Variants in TRMT11 observed in about 807,000 individuals in gnomAD.
The protein encoded by TRMT11 is tRNA (guanine(10)-N(2))-methyltransferase TRMT11.
Under a neutral mutation model 62.8 loss-of-function variants are expected in TRMT11, and 53 were observed. That is an observed-to-expected ratio of 0.84 (90% CI 0.68 to 1.06). The LOEUF is 1.06. TRMT11 is among the 50% of genes least tolerant of loss of function. The probability of loss-of-function intolerance (pLI) is 0.00; values close to 1 mark genes in which losing one functional copy is unlikely to be tolerated. For missense variants in TRMT11, 556 were observed against 553.4 expected (o/e 1.00, Z -0.05); for synonymous variants, 188 against 190.3 (o/e 0.99, Z 0.10).
intron 6 of TRMT11, among the ~76,000 whole-genome samples, chr6:125,999,095 C>T (rs963421283): frequency 9.2e-5 from 14 of 151,988 alleles, no homozygotes; most frequent in African/African-American, 2.4e-4. Flanking sequence ...GCAGTTCTGC[C>T]GACTTCTCTG....
chr6:125,989,940 A>T (rs1432924851), intron 1 of TRMT11, among the ~76,000 whole-genome samples: 1 of 151,844 alleles, frequency 6.6e-6, no homozygotes, highest in African/African-American at 2.4e-5. Context: ...CCCATTCTTT[A>T]TTGATTTTTA....
chr6:126,012,867 A>G lies in TRMT11; in HGVS notation c.1007+15A>G. On this transcript the variant is annotated intron_variant, in intron 10 of 12. Coordinates refer to ENST00000334379, the MANE Select transcript of TRMT11 (RefSeq NM_001031712.3). ...TGGGAAAAATGGTAAGTGAAATTTA[A>G]ATATGATGTGTTACTACCTTGAGAA... 6.2e-7 allele frequency: 1 copy of G among 1,611,686 alleles called. No homozygotes were observed. The highest frequency in any genetic ancestry group is 1.1e-5 in the South Asian group (1 of 91,018).
intron 17 of TRMT11, among the ~76,000 whole-genome samples, chr6:126,060,858 C>T (rs1052565846): frequency 2.6e-5 from 4 of 152,226 alleles, no homozygotes; most frequent in African/African-American, 9.6e-5. Context: ...TTGTTGTTTG[C>T]TTTTAGATCA....
chr6:126,021,359 A>G lies in TRMT11; in HGVS notation c.1260+79A>G, dbSNP rs562155035. 4 of 1,509,124 alleles carry G rather than the reference A, an allele frequency of 2.7e-6. No homozygotes were observed. In the South Asian group the frequency reaches 4.7e-5, roughly 18 times the overall value. 93.5% of individuals were successfully genotyped at this position (1,509,124 alleles called of 1,614,324 possible). A position where few individuals can be genotyped will look rare whatever the true frequency, so the allele number is the denominator to read the frequency against. ...TTTCTAAATAGTTTTCCTGTGATAGAGTTTGGAAATGTTATTCCTTGATAT... is the reference window on the plus strand; with the variant it reads ...TTTCTAAATAGTTTTCCTGTGATAGGGTTTGGAAATGTTATTCCTTGATAT... On this transcript the variant is annotated intron_variant, in intron 12 of 12. Transcript: ENST00000334379.
the TRMT11 span, among the ~76,000 whole-genome samples, chr6:126,217,218 C>A: frequency 6.6e-6 from 1 of 152,160 alleles, no homozygotes; most frequent in Non-Finnish European, 1.5e-5. Flanking sequence ...ACTGTCTCTC[C>A]AAGATTGGTC....
At chr6:126,225,685 ATTT>A in the TRMT11 span, among the ~76,000 whole-genome samples, 1 of 95,280 alleles carries the variant, frequency 1.0e-5, no homozygotes, top group East Asian at 2.8e-4. Flanking sequence ...TATGTTTACT[ATTT>A]TTTTTTTTTT....
At chr6:126,050,124 T>G (rs1343784786) in intron 16 of TRMT11, among the ~76,000 whole-genome samples, 1 of 151,624 alleles carries the variant, frequency 6.6e-6, no homozygotes, top group Non-Finnish European at 1.5e-5. Flanking sequence ...AGGCCAGGAG[T>G]TCGGGACTAG....
upstream of TRMT11, among the ~76,000 whole-genome samples, chr6:126,175,053 A>G (rs1477792060): frequency 6.6e-6 from 1 of 152,246 alleles, no homozygotes; most frequent in Non-Finnish European, 1.5e-5. Context: ...CTATCCAACT[A>G]TGATGTTAAC....
chr6:126,255,291 C>G, the TRMT11 span, among the ~76,000 whole-genome samples: 3 of 152,178 alleles, frequency 2.0e-5, no homozygotes, highest in East Asian at 5.8e-4. Context: ...CACAGGCTCT[C>G]TTTAGCACTT....
intron 17 of TRMT11, among the ~76,000 whole-genome samples, chr6:126,076,300 T>C (rs1777022062): frequency 6.6e-6 from 1 of 152,200 alleles, no homozygotes; most frequent in South Asian, 2.1e-4. Flanking sequence ...CAGAGATCAT[T>C]GTAGGACAGA....
At chr6:126,225,685 ATTTTTTTTT>A in the TRMT11 span, among the ~76,000 whole-genome samples, 31 of 95,282 alleles carry the variant, frequency 3.3e-4, no homozygotes, top group Non-Finnish European at 1.4e-4. Flanking sequence ...TATGTTTACT[ATTTTTTTTT>A]TTTTTTTTTT....
intron 17 of TRMT11, among the ~76,000 whole-genome samples, chr6:126,057,347 G>A (rs1021653459): frequency 4.6e-5 from 7 of 152,184 alleles, no homozygotes; most frequent in African/African-American, 9.6e-5. Flanking sequence ...ACTTATCTCT[G>A]TATTAGGGAA....
At chr6:126,118,639 T>C (rs1777615756) in intron 21 of TRMT11, among the ~76,000 whole-genome samples, 1 of 152,134 alleles carries the variant, frequency 6.6e-6, no homozygotes, top group Admixed American at 6.6e-5. Flanking sequence ...AGCTTTCAAA[T>C]ATATGACTCA....
intron 1 of TRMT11, 107 bp from the exon 2 acceptor site, chr6:125,993,650 A>C (rs546855576): frequency 8.3e-4 from 476 of 570,326 alleles, no homozygotes; most frequent in Non-Finnish European, 1.3e-3. Context: ...CCTCAGTTAG[A>C]TCTTCAGCCT....
rs145409233 is a variant in TRMT11 at position 126,011,351 on chromosome 6, C to T, written c.859C>T (p.Leu287=). 10 of 1,613,152 alleles carry T rather than the reference C, an allele frequency of 6.2e-6. No homozygotes were observed. The African/African-American group carries it at 1.3e-4, about 22-fold the overall frequency. Residue 287 remains leucine, a synonymous_variant, in exon 9 of 13, where the codon CTG becomes TTG. Transcript: ENST00000334379. Reference sequence around the variant, plus strand: ...TTTAGAGAAGTATTACCTTGATGTCCTGGTTTCAGATGCATCTAAACCTTC... The same window carrying T: ...TTTAGAGAAGTATTACCTTGATGTCTTGGTTTCAGATGCATCTAAACCTTC... The part of the protein sequence containing the change: ...YGLEKYYLDV[L]VSDASKPSWR...
intron 21 of TRMT11, among the ~76,000 whole-genome samples, chr6:126,122,116 C>T (rs1777656937): frequency 6.6e-6 from 1 of 152,076 alleles, no homozygotes; most frequent in African/African-American, 2.4e-5. Flanking sequence ...CACATGCTGT[C>T]TTGCCTGCCA....
chr6:126,036,152 T>C (rs993891506), intron 12 of TRMT11, among the ~76,000 whole-genome samples: 2 of 151,708 alleles, frequency 1.3e-5, no homozygotes, highest in Non-Finnish European at 3.0e-5. Context: ...AGGAGAATAG[T>C]GGACATGAGG....
At chr6:126,267,453 T>C in the TRMT11 span, among the ~76,000 whole-genome samples, 11 of 152,350 alleles carry the variant, frequency 7.2e-5, no homozygotes, top group African/African-American at 2.4e-4. Flanking sequence ...ATAGTCTTTG[T>C]ACACTGACAG....
At chr6:126,258,209 C>T in the TRMT11 span, 65 of 665,450 alleles carry the variant, frequency 9.8e-5, no homozygotes, top group Middle Eastern at 4.5e-4. Flanking sequence ...CTTCCCTTGG[C>T]GCCTCACTGG....
Sources: allele counts gnomAD v4.1 joint callset (sites outside exome capture counted in the v4.1 genomes callset), GRCh38; gene constraint gnomAD v4.1.1; transcripts MANE v1.5; gene names NCBI Gene and HGNC (gene_info 2026-07-23, HGNC 2026-07-21).